TESC: variants seen among roughly 807,000 people sequenced by gnomAD.
TESC encodes the protein tescalcin.
In TESC, 19 loss-of-function variants were observed where a neutral mutation model predicts 31.0. The observed-to-expected ratio is 0.61, with a 90% confidence interval of 0.43 to 0.90. TESC has a LOEUF of 0.90. Among genes scored for constraint, TESC ranks in the 40% least tolerant of loss-of-function variants. TESC has a pLI of 0.00. For missense variants in TESC, 248 were observed against 303.8 expected, an observed-to-expected ratio of 0.82 and a Z score of 1.36; for synonymous variants, 109 against 114.8, an observed-to-expected ratio of 0.95 and a Z score of 0.32.
intron 1 of TESC, among the ~76,000 whole-genome samples, chr12:117,075,903 A>ATGTGTGTGTG (rs1401695484): frequency 3.6e-5 from 3 of 82,760 alleles, no homozygotes; most frequent in African/African-American, 8.4e-5. Context: ...ATATATATAT[A>ATGTGTGTGTG]TATATATATA....
Position 117,075,899 on chromosome 12 carries a change from A to ATGTGTGTGTGTG in TESC, c.59-560_59-559insCACACACACACA, listed in dbSNP as rs1315875340. On this transcript the variant is annotated intron_variant, in intron 1 of 7. Transcript: ENST00000335209. ...TGTATATATATATATATATATATAT[A>ATGTGTGTGTGTG]TATATATATATATATGTGTGTGTGT... Among the ~76,000 whole-genome samples, 7 of 73,220 alleles carry ATGTGTGTGTGTG rather than the reference A, an allele frequency of 9.6e-5. 2 individuals are homozygous for ATGTGTGTGTGTG. The highest frequency in any genetic ancestry group is 5.7e-4 in the African/African-American group (7 of 12,238). 48.0% of individuals were successfully genotyped at this position (73,220 alleles called of 152,430 possible). A position where few individuals can be genotyped will look rare whatever the true frequency, so the allele number is the denominator to read the frequency against.
At chr12:117,067,499 G>A (rs1277591774) in intron 2 of TESC, among the ~76,000 whole-genome samples, 3 of 152,136 alleles carry the variant, frequency 2.0e-5, no homozygotes, top group African/African-American at 4.8e-5. Flanking sequence ...TTGAGCCCGG[G>A]AGTCGGAGGC....
rs561309136 is a variant in TESC at position 117,074,425 on chromosome 12, T to C, written c.128+846A>G. 9.2e-5 allele frequency among the ~76,000 whole-genome samples: 14 copies of C among 152,282 alleles called. No individual in the cohort carries two copies. The East Asian group carries it at 2.7e-3, about 29-fold the overall frequency. On this transcript the variant is annotated intron_variant, in intron 2 of 7. Transcript: ENST00000335209. ...TTCAACCGGAATACAGTTTAAGGCA[T>C]TCCTCTTCATTAAAAAGCAACCTAA...
intron 2 of TESC, among the ~76,000 whole-genome samples, chr12:117,075,020 C>A (rs1955028025): frequency 6.6e-6 from 1 of 152,176 alleles, no homozygotes; most frequent in African/African-American, 2.4e-5. Context: ...GTGGAGGGCA[C>A]CAGTAGTCCC....
At chr12:117,073,094 C>A (rs548196290) in intron 2 of TESC, among the ~76,000 whole-genome samples, 1 of 152,242 alleles carries the variant, frequency 6.6e-6, no homozygotes, top group East Asian at 1.9e-4. Flanking sequence ...CAGTGCCTGG[C>A]TGACTTGTGT....
intron 3 of TESC, among the ~76,000 whole-genome samples, chr12:117,051,952 T>G (rs922863529): frequency 1.3e-5 from 2 of 152,218 alleles, no homozygotes; most frequent in African/African-American, 4.8e-5. Context: ...ATTTATTTAT[T>G]TTTTAAGAGA....
intron 2 of TESC, among the ~76,000 whole-genome samples, chr12:117,068,226 A>C (rs1954914089): frequency 6.7e-6 from 1 of 149,490 alleles, no homozygotes; most frequent in African/African-American, 2.4e-5. Flanking sequence ...ATGACAGAGC[A>C]GTGGTAAGAA....
At chr12:117,046,708 A>C in intron 5 of TESC, 42 bp from the exon 6 acceptor site, 1 of 1,552,298 alleles carries the variant, frequency 6.4e-7, no homozygotes, top group Non-Finnish European at 8.7e-7. Context: ...TTGGGCCTCC[A>C]TCAGGGTCGT....
intron 2 of TESC, among the ~76,000 whole-genome samples, chr12:117,057,949 G>A (rs1359475816): frequency 3.3e-5 from 5 of 152,164 alleles, no homozygotes; most frequent in African/African-American, 4.8e-5. Flanking sequence ...CCCGGGCGCC[G>A]TAGCTCACAC....
chr12:117,075,697 C>T (rs1955042963), intron 1 of TESC, among the ~76,000 whole-genome samples: 1 of 151,002 alleles, frequency 6.6e-6, no homozygotes, highest in Admixed American at 6.6e-5. Context: ...ACTTCCATCA[C>T]TCAGGCTGGA....
intron 1 of TESC, among the ~76,000 whole-genome samples, chr12:117,091,033 G>T (rs1208221953): frequency 2.0e-5 from 3 of 152,212 alleles, no homozygotes; most frequent in African/African-American, 7.2e-5. Flanking sequence ...AGAACGGAAG[G>T]CTTGCTCCTG....
intron 2 of TESC, among the ~76,000 whole-genome samples, chr12:117,060,823 G>C (rs1438364017): frequency 6.6e-6 from 1 of 152,224 alleles, no homozygotes; most frequent in Admixed American, 6.5e-5. Context: ...CCAAGGCCCA[G>C]ATCCCTGAGA....
intron 6 of TESC, among the ~76,000 whole-genome samples, chr12:117,045,215 C>A (rs1954540117): frequency 6.6e-6 from 1 of 152,324 alleles, no homozygotes; most frequent in East Asian, 1.9e-4. Flanking sequence ...TTCCTGGTTC[C>A]AGGGCTACCC....
chr12:117,055,736 A>G (rs1005247573), intron 3 of TESC, among the ~76,000 whole-genome samples: 12 of 152,200 alleles, frequency 7.9e-5, no homozygotes, highest in Non-Finnish European at 1.6e-4. Context: ...ACCAGCCACA[A>G]GGCTGAATCC....
chr12:117,046,490 C>A (rs1004590116), intron 6 of TESC, 69 bp downstream of exon 6: 2 of 1,436,128 alleles, frequency 1.4e-6, no homozygotes, highest in Non-Finnish European at 1.9e-6. Context: ...CCCCATGAGG[C>A]CTTCCAGAAA....
At chr12:117,073,769 T>C (rs988035877) in intron 2 of TESC, among the ~76,000 whole-genome samples, 3 of 152,210 alleles carry the variant, frequency 2.0e-5, no homozygotes, top group Admixed American at 6.5e-5. Context: ...ATCAAGTCAC[T>C]GGCAAGGACC....
chr12:117,083,053 A>C (rs1955170035), intron 1 of TESC, among the ~76,000 whole-genome samples: 1 of 151,952 alleles, frequency 6.6e-6, no homozygotes, highest in Non-Finnish European at 1.5e-5. Context: ...TTAAACACAG[A>C]ATTACCATGT....
At chr12:117,086,495 G>A (rs558924322) in intron 1 of TESC, among the ~76,000 whole-genome samples, 55 of 152,238 alleles carry the variant, frequency 3.6e-4, no homozygotes, top group African/African-American at 1.3e-3. Flanking sequence ...GCAGTGGCAC[G>A]ATCACAGCTC....
intron 1 of TESC, among the ~76,000 whole-genome samples, chr12:117,080,326 G>C (rs770446047): frequency 1.3e-5 from 2 of 152,108 alleles, no homozygotes; most frequent in Non-Finnish European, 2.9e-5. Context: ...AAATCAGCCA[G>C]GCGTGGTGGG....
Sources: gnomAD v4.1 joint callset for allele counts (sites outside exome capture counted in the v4.1 genomes callset) on GRCh38, gnomAD v4.1.1 for gene constraint, MANE v1.5 for transcripts, NCBI Gene and HGNC (gene_info 2026-07-23, HGNC 2026-07-21) for gene names.